FTO: variants seen among roughly 807,000 people sequenced by gnomAD.
FTO encodes alpha-ketoglutarate-dependent dioxygenase FTO.
In FTO, 47 loss-of-function variants were observed where a neutral mutation model predicts 63.9. The observed-to-expected ratio is 0.74, with a 90% CI of 0.58 to 0.94. The LOEUF (loss-of-function observed/expected upper bound fraction) is 0.94. Ranked by LOEUF, FTO falls within the 40% of genes least tolerant of loss-of-function variation. The pLI, the probability that FTO is intolerant of heterozygous loss-of-function variation, is 0.00. For missense variants in FTO, 562 were observed against 618.1 expected, an observed-to-expected ratio of 0.91 and a Z score of 0.96; for synonymous variants, 207 against 224.4, an observed-to-expected ratio of 0.92 and a Z score of 0.69.
At chr16:54,052,411 G>A (rs1366182800) in intron 8 of FTO, 1 of 152,194 alleles carries the variant, frequency 6.6e-6, no homozygotes, top group African/African-American at 2.4e-5. Flanking sequence ...ATGAAACACA[G>A]TGCAGCTGGA....
chr16:53,994,869 G>A (rs1466838183), intron 8 of FTO, among the ~76,000 whole-genome samples: 1 of 151,902 alleles, frequency 6.6e-6, no homozygotes, highest in Non-Finnish European at 1.5e-5. Flanking sequence ...GAGTAGCTGG[G>A]TTTACAGGTG....
chr16:53,789,528 CA>C (rs1199597562), intron 1 of FTO, among the ~76,000 whole-genome samples: 1 of 151,894 alleles, frequency 6.6e-6, no homozygotes, highest in Non-Finnish European at 1.5e-5. Flanking sequence ...TTCATGATGC[CA>C]AAAAATCATG....
intron 1 of FTO, among the ~76,000 whole-genome samples, chr16:53,710,533 G>T (rs2075743823): frequency 6.6e-6 from 1 of 152,100 alleles, no homozygotes; most frequent in African/African-American, 2.4e-5. Flanking sequence ...AAAGCGTTGG[G>T]ATTACAGGCG....
At chr16:53,734,527 G>A (rs1011980628) in intron 1 of FTO, among the ~76,000 whole-genome samples, 1 of 152,218 alleles carries the variant, frequency 6.6e-6, no homozygotes, top group Non-Finnish European at 1.5e-5. Flanking sequence ...AGAGTTTTGT[G>A]CCTTTTTGCT....
At chr16:54,105,486 G>A (rs1050603469) in intron 8 of FTO, among the ~76,000 whole-genome samples, 47 of 152,144 alleles carry the variant, frequency 3.1e-4, no homozygotes, top group African/African-American at 1.0e-3. Context: ...GACCCGCCCT[G>A]GCTCACTTGC....
At chr16:53,863,073 A>C (rs987402434) in intron 4 of FTO, among the ~76,000 whole-genome samples, 1 of 152,226 alleles carries the variant, frequency 6.6e-6, no homozygotes, top group African/African-American at 2.4e-5. Flanking sequence ...TAAAAAAGTC[A>C]GTTGCCAGTG....
intron 3 of FTO, among the ~76,000 whole-genome samples, chr16:53,839,214 AAC>A (rs1264475689): frequency 6.6e-6 from 1 of 152,196 alleles, no homozygotes; most frequent in Non-Finnish European, 1.5e-5. Context: ...CTACTTATTT[AAC>A]AGTTTGGTTA....
intron 8 of FTO, 117 bp from the exon 9 acceptor site, chr16:54,111,645 C>A: frequency 1.9e-6 from 2 of 1,074,258 alleles, no homozygotes; most frequent in Non-Finnish European, 2.9e-6. Context: ...TCACCATGAC[C>A]TTCACCCCCG....
intron 3 of FTO, among the ~76,000 whole-genome samples, chr16:53,840,968 T>C (rs2079457082): frequency 6.6e-6 from 1 of 151,300 alleles, no homozygotes; most frequent in Admixed American, 6.6e-5. Context: ...GAGGTCAAGC[T>C]ACACACCTTC....
chr16:53,984,319 G>A (rs1383312035), intron 8 of FTO, among the ~76,000 whole-genome samples: 1 of 111,056 alleles, frequency 9.0e-6, no homozygotes, highest in Non-Finnish European at 1.7e-5. Flanking sequence ...CTTGGAATGG[G>A]TCTTTTTTTT....
At chr16:53,885,469 T>C (rs1655076429) in intron 6 of FTO, among the ~76,000 whole-genome samples, 1 of 152,176 alleles carries the variant, frequency 6.6e-6, no homozygotes, top group South Asian at 2.1e-4. Flanking sequence ...TAAAATTGTG[T>C]TGGGAGAAGG....
intron 7 of FTO, among the ~76,000 whole-genome samples, chr16:53,926,586 G>T (rs776828661): frequency 6.6e-6 from 1 of 152,212 alleles, no homozygotes; most frequent in Non-Finnish European, 1.5e-5. Context: ...TAAAGAGAAT[G>T]ATCAGCTCCA....
intron 4 of FTO, among the ~76,000 whole-genome samples, chr16:53,866,157 A>AT (rs2080307518): frequency 6.6e-6 from 1 of 151,592 alleles, no homozygotes; most frequent in Non-Finnish European, 1.5e-5. Flanking sequence ...GTATGATCAT[A>AT]TTTTTTTTCT....
chr16:53,816,067 G>A (rs141328502), intron 2 of FTO, among the ~76,000 whole-genome samples: 1 of 152,184 alleles, frequency 6.6e-6, no homozygotes, highest in East Asian at 1.9e-4. Flanking sequence ...TGACTCTGCT[G>A]TGCCCTCTTA....
chr16:54,079,249 C>G (rs1360254531), intron 8 of FTO, among the ~76,000 whole-genome samples: 1 of 152,054 alleles, frequency 6.6e-6, no homozygotes, highest in East Asian at 1.9e-4. Flanking sequence ...GAGTTCAGTG[C>G]CTGCTGACAT....
intron 8 of FTO, among the ~76,000 whole-genome samples, chr16:53,944,636 A>C (rs2082614805): frequency 6.6e-6 from 1 of 152,146 alleles, no homozygotes; most frequent in African/African-American, 2.4e-5. Flanking sequence ...ACAATTGTGG[A>C]TTGTAACTAG....
intron 1 of FTO, among the ~76,000 whole-genome samples, chr16:53,806,858 A>C (rs1235869592): frequency 6.6e-6 from 1 of 152,150 alleles, no homozygotes; most frequent in Non-Finnish European, 1.5e-5. Context: ...AATGCATTTG[A>C]ATTTTGAAAG....
chr16:53,995,373 T>C (rs2083910421), intron 8 of FTO, among the ~76,000 whole-genome samples: 1 of 152,174 alleles, frequency 6.6e-6, no homozygotes, highest in African/African-American at 2.4e-5. Flanking sequence ...AAAGCTTTTT[T>C]GCCATTTTAA....
chr16:54,082,980 AT>A (rs1297024152), intron 8 of FTO, among the ~76,000 whole-genome samples: 1 of 152,132 alleles, frequency 6.6e-6, no homozygotes, highest in African/African-American at 2.4e-5. Context: ...TCTAAAATGT[AT>A]TTTTTTCATT....
Sources: gnomAD v4.1 joint callset for allele counts (sites outside exome capture counted in the v4.1 genomes callset) on GRCh38, gnomAD v4.1.1 for gene constraint, MANE v1.5 for transcripts, NCBI Gene and HGNC (gene_info 2026-07-23, HGNC 2026-07-21) for gene names.